Variants in KIF11 observed in about 807,000 individuals in gnomAD.
KIF11 encodes the protein kinesin family member 11.
KIF11 carries 9 observed loss-of-function variants against 121.0 expected under a neutral mutation model. The ratio of observed to expected loss-of-function variants is 0.07; its 90% CI spans 0.04 to 0.13. The LOEUF is 0.13. Ranked by LOEUF, KIF11 falls within the 10% of genes least tolerant of loss-of-function variation. KIF11 has a pLI of 1.00. For missense variants in KIF11, 846 were observed against 1,217.5 expected (o/e 0.69, Z 4.54); for synonymous variants, 408 against 421.0 (o/e 0.97, Z 0.38).
chr10:92,606,225 C>T (rs1379075955), intron 1 of KIF11, 40 bp from the exon 2 acceptor site: 1 of 1,529,730 alleles, frequency 6.5e-7, no homozygotes, highest in Non-Finnish European at 8.7e-7. Context: ...AACCTGAGAA[C>T]TAAGAGCTCT....
chr10:92,610,775 C>T (rs906231296), intron 6 of KIF11, among the ~76,000 whole-genome samples: 4 of 152,068 alleles, frequency 2.6e-5, no homozygotes, highest in African/African-American at 9.7e-5. Context: ...ATAACAATTA[C>T]AGTTGCAACT....
intron 1 of KIF11, among the ~76,000 whole-genome samples, chr10:92,602,086 A>G (rs1844379748): frequency 6.6e-6 from 1 of 152,064 alleles, no homozygotes; most frequent in Non-Finnish European, 1.5e-5. Flanking sequence ...TACATGTTGG[A>G]CCATCCCTGT....
At chr10:92,606,097 T>C (rs1005833949) in intron 1 of KIF11, among the ~76,000 whole-genome samples, 168 bp from the exon 2 acceptor site, 5 of 152,256 alleles carry the variant, frequency 3.3e-5, no homozygotes, top group Non-Finnish European at 7.3e-5. Context: ...GAGACACTTA[T>C]AATTTTACTG....
intron 14 of KIF11, among the ~76,000 whole-genome samples, chr10:92,634,454 A>G (rs1844774404): frequency 6.7e-6 from 1 of 149,344 alleles, no homozygotes; most frequent in Non-Finnish European, 1.5e-5. Flanking sequence ...ATTTTTTTTT[A>G]GTAGAGATGG....
At chr10:92,651,531 T>TG (rs1564719339) in intron 21 of KIF11, among the ~76,000 whole-genome samples, 1 of 115,836 alleles carries the variant, frequency 8.6e-6, no homozygotes, top group Non-Finnish European at 1.8e-5. Context: ...TTTTTTTTTT[T>TG]TTTTTTTTTT....
intron 1 of KIF11, among the ~76,000 whole-genome samples, chr10:92,594,802 C>T (rs962389726): frequency 1.3e-5 from 2 of 152,192 alleles, no homozygotes; most frequent in Non-Finnish European, 2.9e-5. Context: ...AAGAGATTTA[C>T]TTTATCACCA....
Position 92,613,622 on chromosome 10 carries a change from A to G in KIF11, c.1032+3A>G. 1 of 1,602,602 alleles carries G rather than the reference A, an allele frequency of 6.2e-7. No homozygotes were observed. The highest frequency in any genetic ancestry group is 1.1e-5 in the South Asian group (1 of 90,222). On this transcript the variant is annotated splice_donor_region_variant and intron_variant, in intron 8 of 21. Transcript: ENST00000260731. This position sits in a 1 kb window ranked among gnomAD's most constrained non-coding sequence, Gnocchi z 4.2. Reference sequence around the variant, plus strand: ...CTCCTGCATCTCTCAATCTTGAGGTAAGCCCTTTGAAAGGAAGCTGCAAGT... The same window carrying G: ...CTCCTGCATCTCTCAATCTTGAGGTGAGCCCTTTGAAAGGAAGCTGCAAGT...
rs1223504214 is a variant in KIF11, at chr10:92,609,406, T to G, written c.595T>G (p.Leu199Val). ...TCAGAGAGGAGTGATAATTAAAGGT[T>G]TAGAAGAAATTACAGTACACAACAA... is the stretch of plus-strand genomic sequence containing the variant. ...RNKRGVIIKG[L>V]EEITVHNKDE... Residue 199 changes from leucine to valine, a missense_variant, in exon 6 of 22, where the codon TTA becomes GTA. Leu to Val is a conservative substitution (Grantham distance 32). Around this residue, in one of 5 missense-constraint regions of KIF11, gnomAD observed 116 missense variants for 285.3 expected, o/e 0.41. Coordinates refer to ENST00000260731, the MANE Select transcript of KIF11 (RefSeq NM_004523.4). 1 of 1,611,888 alleles carries G rather than the reference T, an allele frequency of 6.2e-7. No homozygotes were observed. Among genetic ancestry groups the G allele is most frequent in the Non-Finnish European group, 8.5e-7 (1 of 1,179,614 alleles).
rs1844821331 is a variant in KIF11 at position 92,637,610 on chromosome 10, ATAAT to A, written c.2160+70_2160+73del. 1.3e-5 allele frequency: 19 copies of A among 1,456,448 alleles called. No individual in the cohort carries two copies. In the South Asian group the frequency reaches 1.5e-4, roughly 12 times the overall value. 90.2% of individuals were successfully genotyped at this position (1,456,448 alleles called of 1,614,324 possible). A position where few individuals can be genotyped will look rare whatever the true frequency, so the allele number is the denominator to read the frequency against. On this transcript the variant is annotated intron_variant, in intron 16 of 21. Transcript: ENST00000260731. ...TTTTAGGATGATTTGATATGACTTGATAATTAATCTATGTTACACAATCTGAATA... is the reference window on the plus strand; with the variant it reads ...TTTTAGGATGATTTGATATGACTTGATAATCTATGTTACACAATCTGAATA...
chr10:92,609,633 G>T lies in KIF11; in HGVS notation c.698+124G>T, dbSNP rs541882068. The T allele has an allele frequency of 3.7e-6, 3 of 812,696 alleles. No individual in the cohort carries two copies. The Admixed American group carries it at 7.9e-5, about 21-fold the overall frequency. The allele number at this position is 812,696 out of a possible 1,614,324, so 50.3% of individuals were successfully genotyped here. A position where few individuals can be genotyped will look rare whatever the true frequency, so the allele number is the denominator to read the frequency against. On this transcript the variant is annotated intron_variant, in intron 6 of 21. Transcript: ENST00000260731. ...ACGTACCTAGAGTTTGTGTTATAAG[G>T]AGGGGTCATTGGTAATTGGCTTGAG...
chr10:92,609,355 T>G, intron 5 of KIF11, 30 bp from the exon 6 acceptor site: 1 of 1,591,490 alleles, frequency 6.3e-7, no homozygotes, highest in African/African-American at 1.4e-5. Flanking sequence ...TTAACCAATC[T>G]AATGGATGTT....
chr10:92,607,764 G>A (rs1393683418), intron 4 of KIF11, among the ~76,000 whole-genome samples: 3 of 152,092 alleles, frequency 2.0e-5, no homozygotes, highest in African/African-American at 4.8e-5. Flanking sequence ...GTTGAAAGAA[G>A]ACCAAGACAA....
At chr10:92,597,169 A>G (rs1405729103) in intron 1 of KIF11, 2 of 270,098 alleles carry the variant, frequency 7.4e-6, no homozygotes, top group Non-Finnish European at 1.5e-5. Context: ...TCCTGATGCC[A>G]AAGGATCTGA....
At chr10:92,633,875 A>G (rs1405448157) in intron 14 of KIF11, 80 bp downstream of exon 14, 17 of 884,700 alleles carry the variant, frequency 1.9e-5, no homozygotes, top group Non-Finnish European at 2.8e-5. Context: ...GTTACATTTG[A>G]TAAGTCTTTA....
At chr10:92,606,462 C>T in intron 2 of KIF11, 65 bp downstream of exon 2, 1 of 1,385,434 alleles carries the variant, frequency 7.2e-7, no homozygotes, top group Non-Finnish European at 9.8e-7. Context: ...ACATATTTTA[C>T]CTGGAAAATG....
At chr10:92,650,118 T>G (rs1041999478) in intron 20 of KIF11, 132 bp downstream of exon 20, 2 of 664,326 alleles carry the variant, frequency 3.0e-6, no homozygotes, top group African/African-American at 3.6e-5. Context: ...GCCTAGCCCT[T>G]AGGCTTGTTT....
Position 92,621,488 on chromosome 10 carries a change from A to AATTTT in KIF11, c.1217+15_1217+16insATTTT. ...GAAAATTTTAGGTAAGCCCTTGGCT[A>AATTTT]TGGAGTTAATTTCCAAGAATAAGCA... On this transcript the variant is annotated intron_variant, in intron 10 of 21. Coordinates refer to ENST00000260731, the MANE Select transcript of KIF11 (RefSeq NM_004523.4). 7 of 1,480,320 alleles carry AATTTT rather than the reference A, an allele frequency of 4.7e-6. No homozygotes were observed. The highest frequency in any genetic ancestry group is 6.6e-6 in the Non-Finnish European group (7 of 1,063,126). 91.7% of individuals were successfully genotyped at this position (1,480,320 alleles called of 1,614,324 possible).
chr10:92,645,330 C>G, intron 17 of KIF11, 33 bp from the exon 18 acceptor site: 2 of 1,511,428 alleles, frequency 1.3e-6, no homozygotes, highest in East Asian at 2.3e-5. Context: ...TCTTAATTCC[C>G]CATTTCAACA....
At chr10:92,598,169 G>T (rs1844322415) in intron 1 of KIF11, among the ~76,000 whole-genome samples, 1 of 152,074 alleles carries the variant, frequency 6.6e-6, no homozygotes, top group Non-Finnish European at 1.5e-5. Flanking sequence ...AGAAATCATT[G>T]CCAAATCCAT....
Sources: gnomAD v4.1 joint callset for allele counts (sites outside exome capture counted in the v4.1 genomes callset) on GRCh38, gnomAD v4.1.1 for gene constraint, gnomAD v4.1.1 regional missense constraint, Gnocchi (gnomAD v3.1) non-coding constraint, MANE v1.5 for transcripts, NCBI Gene and HGNC (gene_info 2026-07-23, HGNC 2026-07-21) for gene names.